Variants in GCC2 observed in about 807,000 individuals in gnomAD.
GCC2 encodes the protein GRIP and coiled-coil domain-containing protein 2.
Under a neutral mutation model 210.6 loss-of-function variants are expected in GCC2, and 120 were observed. That is an observed-to-expected ratio of 0.57 (90% CI 0.49 to 0.66). The LOEUF (loss-of-function observed/expected upper bound fraction) is 0.66, where lower values mean the gene tolerates loss of function less well. Ranked by LOEUF, GCC2 falls within the 30% of genes least tolerant of loss-of-function variation. The pLI is 0.00. For synonymous variants in GCC2, 703 were observed against 652.7 expected (o/e 1.08, Z -1.17); for missense variants, 1,868 against 1,871.9 (o/e 1.00, Z 0.04).
At chr2:108,506,350 A>G (rs1683186068) in intron 22 of GCC2, among the ~76,000 whole-genome samples, 2 of 152,216 alleles carry the variant, frequency 1.3e-5, no homozygotes, top group South Asian at 2.1e-4. Flanking sequence ...ATGCCAGTTG[A>G]CAGAGGTCAG....
At chr2:108,494,175 C>A in intron 19 of GCC2, 1 of 189,216 alleles carries the variant, frequency 5.3e-6, no homozygotes, top group Non-Finnish European at 9.8e-6. Context: ...GAGTTTGAGA[C>A]CAGTCTGAAC....
intron 9 of GCC2, among the ~76,000 whole-genome samples, chr2:108,479,858 T>G (rs1181557940): frequency 6.6e-6 from 1 of 151,720 alleles, no homozygotes; most frequent in African/African-American, 2.4e-5. Context: ...AGCACATGCC[T>G]GTAATCCCAA....
At chr2:108,451,172 A>G (rs1679924609) in intron 3 of GCC2, 60 bp downstream of exon 3, 1 of 1,031,224 alleles carries the variant, frequency 9.7e-7, no homozygotes, top group Non-Finnish European at 1.5e-6. Context: ...TTAAAATGGT[A>G]GTTTTTAAAA....
chr2:108,455,483 G>T, intron 4 of GCC2, among the ~76,000 whole-genome samples: 1 of 151,746 alleles, frequency 6.6e-6, no homozygotes, highest in African/African-American at 2.4e-5. Flanking sequence ...TTACCTTTAA[G>T]GTTTTTTTTC....
At chr2:108,464,940 C>T (rs951740983) in intron 4 of GCC2, among the ~76,000 whole-genome samples, 9 of 152,116 alleles carry the variant, frequency 5.9e-5, no homozygotes, top group South Asian at 2.1e-4. Flanking sequence ...CGTCACATGG[C>T]GAAAGCAGGA....
In GCC2 at chr2:108,486,520, G is replaced by C. The variant is rs779584230; in HGVS notation, c.3802G>C (p.Ala1268Pro). Residue 1268 changes from alanine to proline, a missense_variant, in exon 16 of 23, where the codon GCT becomes CCT. Ala to Pro is a conservative substitution (Grantham distance 27, BLOSUM62 -1). This residue lies in a region of GCC2 where 1,847 missense variants were observed against 1,765.2 expected (regional missense o/e 1.05). Transcript: ENST00000309863. ...QQVEVYKIQL[A>P]EITSEKHKIH... ...AAAGATTTACCCCCAGATACAGCTG[G>C]CTGAAATAACATCAGAGAAGCACAA... The C allele has an allele frequency of 6.2e-7, 1 of 1,614,074 alleles. No homozygotes were observed. The highest frequency in any genetic ancestry group is 1.3e-5 in the African/African-American group (1 of 75,028).
At chr2:108,501,914 G>C (rs916511027) in intron 22 of GCC2, among the ~76,000 whole-genome samples, 10 of 152,100 alleles carry the variant, frequency 6.6e-5, no homozygotes, top group Non-Finnish European at 1.5e-4. Flanking sequence ...AATACTGACA[G>C]TAATCTCAGT....
Position 108,486,569 on chromosome 2 carries a change from C to T in GCC2, c.3851C>T (p.Ser1284Phe), listed in dbSNP as rs548223516. ...KHKIHEHLKT[S>F]AEQHQRTLSA... Reference sequence around the variant, plus strand: ...AAAATCCACGAGCACCTGAAAACCTCTGCGGAACAGCACCAGCGTACGCTA... The same window carrying T: ...AAAATCCACGAGCACCTGAAAACCTTTGCGGAACAGCACCAGCGTACGCTA... The change falls in exon 16 of 23, where the codon TCT becomes TTT. Residue 1284 changes from serine (S) to phenylalanine (F), a missense_variant. By Grantham distance (155) the Ser-to-Phe change is radical (BLOSUM62 -2). This residue lies in a region of GCC2 where 1,847 missense variants were observed against 1,765.2 expected (regional missense o/e 1.05). Transcript: ENST00000309863. 2 of 1,614,158 alleles carry T rather than the reference C, an allele frequency of 1.2e-6. No homozygotes were observed. Among genetic ancestry groups the T allele is most frequent in the South Asian group, 2.2e-5 (2 of 91,080 alleles).
intron 22 of GCC2, among the ~76,000 whole-genome samples, chr2:108,506,013 T>C (rs1432251855): frequency 6.6e-6 from 1 of 152,100 alleles, no homozygotes; most frequent in Non-Finnish European, 1.5e-5. Flanking sequence ...TAATACCAAA[T>C]TAAATCTTTA....
intron 15 of GCC2, 102 bp from the exon 16 acceptor site, chr2:108,486,409 T>C (rs1358239263): frequency 9.6e-6 from 10 of 1,041,542 alleles, no homozygotes; most frequent in Non-Finnish European, 1.4e-5. Context: ...TTATGCCTTA[T>C]ATGTACTTAT....
intron 5 of GCC2, 104 bp downstream of exon 5, chr2:108,469,188 A>G: frequency 1.8e-6 from 1 of 568,180 alleles, no homozygotes; most frequent in Non-Finnish European, 3.0e-6. Flanking sequence ...TTAATATTTT[A>G]TAATATAAAC....
At position 108,471,966 on chromosome 2, in the gene GCC2, A is replaced by G; in HGVS notation, c.2637A>G (p.Leu879=). The part of the protein sequence containing the change: ...EKTRLENQNL[L]IQVEEVSQTC... ...CAAGGCTTGAAAATCAGAATCTTTT[A>G]ATTCAAGTTGAAGAAGTATCTCAAA... is the stretch of plus-strand genomic sequence containing the variant. Residue 879 remains leucine (L), a synonymous_variant, in exon 6 of 23, where the codon TTA becomes TTG. Transcript: ENST00000309863. 1 of 1,604,554 alleles carries G rather than the reference A, an allele frequency of 6.2e-7. No homozygotes were observed. The highest frequency in any genetic ancestry group is 1.7e-5 in the Admixed American group (1 of 57,680).
chr2:108,497,770 C>T (rs1351231621), intron 21 of GCC2, among the ~76,000 whole-genome samples: 1 of 152,134 alleles, frequency 6.6e-6, no homozygotes, highest in Non-Finnish European at 1.5e-5. Context: ...ATAAATCACC[C>T]CTCAGAATAT....
At chr2:108,507,522 TTTTA>T in intron 22 of GCC2, 34 bp from the exon 23 acceptor site, 1 of 1,434,438 alleles carries the variant, frequency 7.0e-7, no homozygotes, top group Non-Finnish European at 9.6e-7. Flanking sequence ...CTCTTTTTTC[TTTTA>T]TTTTTCTTTT....
Position 108,462,494 on chromosome 2 carries a change from A to AAAATAAAT in GCC2, c.217-6472_217-6465dup, listed in dbSNP as rs143022273. The AAAATAAAT allele has an allele frequency of 4.3e-5, 6 of 140,612 alleles. No individual in the cohort carries two copies. The South Asian group carries it at 7.1e-4, about 17-fold the overall frequency. 8.7% of individuals were successfully genotyped at this position (140,612 alleles called of 1,614,324 possible). On this transcript the variant is annotated intron_variant, in intron 4 of 22. Transcript: ENST00000309863. ...GGGGGGCAGAGCGAGACTCAGTCTC[A>AAAATAAAT]AAATAAATAAATAAATAAATATTTG...
intron 6 of GCC2, 86 bp downstream of exon 6, chr2:108,472,202 G>A (rs915821867): frequency 1.7e-5 from 16 of 962,020 alleles, no homozygotes; most frequent in Middle Eastern, 3.6e-4. Context: ...ACACCTTGAC[G>A]TCAAAAGTAA....
chr2:108,457,468 G>C (rs529507432), intron 4 of GCC2, among the ~76,000 whole-genome samples: 18 of 151,838 alleles, frequency 1.2e-4, no homozygotes, highest in Admixed American at 1.1e-3. Flanking sequence ...TAGCTTTTCT[G>C]GCTTTTTTTT....
At chr2:108,467,108 T>C (rs1454475095) in intron 4 of GCC2, among the ~76,000 whole-genome samples, 1 of 152,202 alleles carries the variant, frequency 6.6e-6, no homozygotes, top group Non-Finnish European at 1.5e-5. Context: ...ATTCTTGGTT[T>C]TTTACTTTCC....
chr2:108,501,733 T>C (rs1178551391), intron 22 of GCC2, among the ~76,000 whole-genome samples: 2 of 152,224 alleles, frequency 1.3e-5, no homozygotes, highest in Non-Finnish European at 2.9e-5. Context: ...TTTTTAGCAA[T>C]TTGTTGCTGA....
Sources: gnomAD v4.1 joint callset for allele counts (sites outside exome capture counted in the v4.1 genomes callset) on GRCh38, gnomAD v4.1.1 for gene constraint, gnomAD v4.1.1 regional missense constraint, MANE v1.5 for transcripts, NCBI Gene and HGNC (gene_info 2026-07-23, HGNC 2026-07-21) for gene names.